SNX29: variants seen among roughly 807,000 people sequenced by gnomAD.
SNX29 encodes the protein sorting nexin 29.
A neutral mutation model predicts 102.1 loss-of-function variants in SNX29; 78 were observed. The ratio of observed to expected loss-of-function variants is 0.76; its 90% CI spans 0.64 to 0.92. The LOEUF (loss-of-function observed/expected upper bound fraction) is 0.92. Among genes scored for constraint, SNX29 ranks in the 40% least tolerant of loss-of-function variants. The pLI, the probability that SNX29 is intolerant of heterozygous loss-of-function variation, is 0.00. For synonymous variants in SNX29, 580 were observed against 414.5 expected (o/e 1.40, Z -4.85); for missense variants, 1,280 against 1,061.7 (o/e 1.21, Z -2.86).
At chr16:12,399,440 T>C (rs1259198817) in intron 17 of SNX29, among the ~76,000 whole-genome samples, 5 of 152,224 alleles carry the variant, frequency 3.3e-5, no homozygotes, top group Admixed American at 6.5e-5. Flanking sequence ...CTCTCATTCA[T>C]CTCTGGCGAG....
intron 14 of SNX29, among the ~76,000 whole-genome samples, chr16:12,271,930 C>T (rs946060843): frequency 7.2e-5 from 11 of 152,112 alleles, no homozygotes; most frequent in Non-Finnish European, 1.5e-4. Flanking sequence ...GCCTGGGGTC[C>T]ATCTTCGAAG....
intron 15 of SNX29, among the ~76,000 whole-genome samples, chr16:12,340,499 G>C (rs1319855005): frequency 6.6e-6 from 1 of 152,220 alleles, no homozygotes; most frequent in African/African-American, 2.4e-5. Context: ...ATGGATGTGG[G>C]AGACAGAATG....
At chr16:12,296,328 T>C (rs1194319833) in intron 15 of SNX29, among the ~76,000 whole-genome samples, 1 of 152,248 alleles carries the variant, frequency 6.6e-6, no homozygotes, top group Non-Finnish European at 1.5e-5. Flanking sequence ...TTTCAGCAAG[T>C]AGAATGCTCT....
At position 12,430,641 on chromosome 16, in the gene SNX29, T is replaced by C. The variant is rs114887138; in HGVS notation, c.2037+27112T>C. On this transcript the variant is annotated intron_variant, in intron 18 of 20. Transcript: ENST00000566228. Reference sequence around the variant, plus strand: ...AGTGTTATTACTTGTAAAGCACTTATATAGTCCCAGTAATATAGCTCATTC... The same window carrying C: ...AGTGTTATTACTTGTAAAGCACTTACATAGTCCCAGTAATATAGCTCATTC... Among the ~76,000 whole-genome samples the C allele has an allele frequency of 7.4e-3, 1,128 of 152,360 alleles. 14 individuals are homozygous for C. Among genetic ancestry groups the C allele is most frequent in the African/African-American group, 0.026 (1,064 of 41,580 alleles).
chr16:12,484,877 A>T (rs1256356683), intron 19 of SNX29, among the ~76,000 whole-genome samples: 1 of 152,126 alleles, frequency 6.6e-6, no homozygotes, highest in Non-Finnish European at 1.5e-5. Context: ...CTTCAATATG[A>T]TCTGTCTCTC....
At chr16:11,984,864 G>A (rs1001842491) in intron 1 of SNX29, among the ~76,000 whole-genome samples, 21 of 152,010 alleles carry the variant, frequency 1.4e-4, no homozygotes, top group African/African-American at 4.8e-4. Flanking sequence ...TATATTGCCC[G>A]AGCTGGTCTT....
At chr16:12,441,787 CTTTTG>C (rs530626305) in intron 18 of SNX29, among the ~76,000 whole-genome samples, 18 of 152,198 alleles carry the variant, frequency 1.2e-4, no homozygotes, top group Admixed American at 2.0e-4. Context: ...TCCATTTTGA[CTTTTG>C]TTTTGTTTTG....
At chr16:12,038,367 GCTGTTAGTGTCCT>G (rs1030532899) in intron 4 of SNX29, among the ~76,000 whole-genome samples, 1 of 152,194 alleles carries the variant, frequency 6.6e-6, no homozygotes, top group Non-Finnish European at 1.5e-5. Flanking sequence ...AAAGCCTGGT[GCTGTTAGTGTCCT>G]CTGTTAACAG....
At chr16:12,451,111 C>T (rs1224643514) in intron 18 of SNX29, among the ~76,000 whole-genome samples, 1 of 152,142 alleles carries the variant, frequency 6.6e-6, no homozygotes, top group Non-Finnish European at 1.5e-5. Flanking sequence ...ACAGAAGAGC[C>T]GCAGAGGTAC....
intron 15 of SNX29, among the ~76,000 whole-genome samples, chr16:12,309,786 G>T (rs969143608): frequency 6.6e-6 from 1 of 152,140 alleles, no homozygotes; most frequent in African/African-American, 2.4e-5. Context: ...GAATTGGAAG[G>T]GTTTCCTTTA....
chr16:12,074,744 A>G (rs1474500230), intron 10 of SNX29, among the ~76,000 whole-genome samples: 1 of 152,166 alleles, frequency 6.6e-6, no homozygotes, highest in African/African-American at 2.4e-5. Flanking sequence ...CTCCTGGATA[A>G]TATCCTGTAG....
intron 16 of SNX29, among the ~76,000 whole-genome samples, chr16:12,365,771 G>A (rs942042481): frequency 4.0e-5 from 6 of 151,154 alleles, no homozygotes; most frequent in Admixed American, 6.6e-5. Flanking sequence ...GGCCGGGCGC[G>A]GTGGCTCACG....
intron 16 of SNX29, among the ~76,000 whole-genome samples, chr16:12,377,252 C>T (rs78353571): frequency 5.3e-5 from 8 of 152,132 alleles, no homozygotes; most frequent in Admixed American, 3.3e-4. Flanking sequence ...CAGTAAGAAT[C>T]CCGTAATGTC....
intron 13 of SNX29, among the ~76,000 whole-genome samples, chr16:12,170,477 A>T (rs1335752777): frequency 6.6e-6 from 1 of 151,546 alleles, no homozygotes; most frequent in African/African-American, 2.4e-5. Flanking sequence ...AGGCGTGTGG[A>T]TGGGTGTGCC....
At chr16:12,527,903 T>C (rs1319759774) in intron 20 of SNX29, among the ~76,000 whole-genome samples, 7 of 151,170 alleles carry the variant, frequency 4.6e-5, no homozygotes, top group African/African-American at 1.7e-4. Flanking sequence ...CGGCTCACTG[T>C]AAGCTCTGCC....
At chr16:12,380,764 A>AT (rs2083076838) in intron 16 of SNX29, among the ~76,000 whole-genome samples, 1 of 87,378 alleles carries the variant, frequency 1.1e-5, no homozygotes, top group African/African-American at 4.0e-5. Context: ...CCATCCACCC[A>AT]CCCACCATCC....
At chr16:12,187,033 A>G (rs1019747260) in intron 13 of SNX29, among the ~76,000 whole-genome samples, 3 of 152,240 alleles carry the variant, frequency 2.0e-5, no homozygotes, top group African/African-American at 7.2e-5. Context: ...CACTGGTTAA[A>G]GACCTGATGG....
rs148644247 is a variant in SNX29 at position 12,026,638 on chromosome 16, G to A, written c.123-682G>A. 1.6e-3 allele frequency among the ~76,000 whole-genome samples: 243 copies of A among 152,256 alleles called. 2 individuals are homozygous for A. The highest frequency in any genetic ancestry group is 5.3e-3 in the African/African-American group (222 of 41,558). The stretch of plus-strand genomic sequence containing the variant: ...AAATTCAATTAAATGCACAGTAATT[G>A]TAACTTAATTGAAAATTCCATCAAC... On this transcript the variant is annotated intron_variant, in intron 3 of 20. Coordinates refer to ENST00000566228, the MANE Select transcript of SNX29 (RefSeq NM_032167.5).
chr16:12,425,754 C>G (rs543399653), intron 18 of SNX29, among the ~76,000 whole-genome samples: 5 of 152,124 alleles, frequency 3.3e-5, no homozygotes, highest in African/African-American at 1.2e-4. Context: ...CTTCCCCAGC[C>G]AGGAATTCAT....
Sources: gnomAD v4.1 joint callset for allele counts (sites outside exome capture counted in the v4.1 genomes callset) on GRCh38, gnomAD v4.1.1 for gene constraint, MANE v1.5 for transcripts, NCBI Gene and HGNC (gene_info 2026-07-23, HGNC 2026-07-21) for gene names.